The following GNAQ variants were observed in gnomAD, a reference collection of about 807,000 sequenced individuals.
The protein encoded by GNAQ is G protein subunit alpha q, also known as guanine nucleotide-binding protein G(q) subunit alpha.
GNAQ carries 8 observed loss-of-function variants against 43.9 expected under a neutral mutation model. That is an observed-to-expected ratio of 0.18 (90% confidence interval 0.11 to 0.33). The LOEUF (loss-of-function observed/expected upper bound fraction) is 0.33, where lower values mean the gene tolerates loss of function less well. GNAQ is among the 10% of genes least tolerant of loss of function. The pLI is 1.00. For missense variants in GNAQ, 158 were observed against 450.8 expected, an observed-to-expected ratio of 0.35 and a Z score of 5.88; for synonymous variants, 155 against 170.7, an observed-to-expected ratio of 0.91 and a Z score of 0.71.
intron 2 of GNAQ, among the ~76,000 whole-genome samples, chr9:77,837,444 C>T (rs1260614193): frequency 6.6e-6 from 1 of 152,060 alleles, no homozygotes; most frequent in Non-Finnish European, 1.5e-5. Context: ...ATCCCAGCTA[C>T]TCGGGTGGCT....
chr9:77,840,441 A>G (rs1216982779), intron 2 of GNAQ, among the ~76,000 whole-genome samples: 1 of 151,836 alleles, frequency 6.6e-6, no homozygotes, highest in South Asian at 2.1e-4. Flanking sequence ...GGTTCAAGCA[A>G]TTCTCCTGCC....
intron 1 of GNAQ, among the ~76,000 whole-genome samples, chr9:78,003,620 G>A (rs959474927): frequency 5.9e-5 from 9 of 152,076 alleles, no homozygotes; most frequent in African/African-American, 2.2e-4. Flanking sequence ...TTCAAGACCA[G>A]CCTGGGCAAC....
At position 77,886,660 on chromosome 9, in the gene GNAQ, T is replaced by G. The variant is rs140182053; in HGVS notation, c.321+35501A>C. On this transcript the variant is annotated intron_variant, in intron 2 of 6. Coordinates refer to ENST00000286548, the MANE Select transcript of GNAQ (RefSeq NM_002072.5). ...AAAGAGTAAATGATGTAAAATAAACTTTATTGTGAACTGAATATCATCTTT... is the reference window on the plus strand; with the variant it reads ...AAAGAGTAAATGATGTAAAATAAACGTTATTGTGAACTGAATATCATCTTT... Among the ~76,000 whole-genome samples the G allele has an allele frequency of 9.0e-3, 1,366 of 152,288 alleles. 20 individuals carry two copies. Among genetic ancestry groups the G allele is most frequent in the Admixed American group, 0.039 (589 of 15,290 alleles).
intron 2 of GNAQ, among the ~76,000 whole-genome samples, chr9:77,882,622 T>A (rs555976210): frequency 1.3e-5 from 2 of 152,090 alleles, no homozygotes; most frequent in Non-Finnish European, 2.9e-5. Flanking sequence ...CCAAATGACA[T>A]GGAATGGTAT....
chr9:77,867,711 A>G (rs983639702), intron 2 of GNAQ, among the ~76,000 whole-genome samples: 3 of 152,198 alleles, frequency 2.0e-5, no homozygotes, highest in East Asian at 1.9e-4. Flanking sequence ...ATGCAAGTAC[A>G]TATGTGCAGG....
Position 77,728,666 on chromosome 9 carries a change from T to C in GNAQ, c.737A>G (p.Asn246Ser). 6.6e-6 allele frequency: 10 copies of C among 1,513,130 alleles called. No homozygotes were observed. The highest frequency in any genetic ancestry group is 8.8e-6 in the Non-Finnish European group (10 of 1,132,660). The allele number at this position is 1,513,130 out of a possible 1,614,324, so 93.7% of individuals were successfully genotyped here. A position where few individuals can be genotyped will look rare whatever the true frequency, so the allele number is the denominator to read the frequency against. The change falls in exon 6 of 7, where the codon AAC becomes AGC. Residue 246 changes from asparagine to serine, a missense_variant and splice_region_variant. By Grantham distance (46) the Asn-to-Ser change is conservative (BLOSUM62 1). Coordinates refer to ENST00000286548, the MANE Select transcript of GNAQ (RefSeq NM_002072.5). ...DQVLVESDNENRMEESKALFR... is the reference protein window; with the variant it reads ...DQVLVESDNESRMEESKALFR... Reference sequence around the variant, plus strand: ...GAGAGCCTTGCTTTCCTCCATTCGGTTCTGGAAAAAAAAAAAAAATCAGAA... The same window carrying C: ...GAGAGCCTTGCTTTCCTCCATTCGGCTCTGGAAAAAAAAAAAAAATCAGAA...
chr9:77,784,866 G>A (rs1423522563), intron 5 of GNAQ, among the ~76,000 whole-genome samples: 1 of 152,108 alleles, frequency 6.6e-6, no homozygotes, highest in Non-Finnish European at 1.5e-5. Context: ...TTTAATTAGG[G>A]AAAAACAAAT....
At chr9:77,749,927 T>TG (rs1825786153) in intron 5 of GNAQ, among the ~76,000 whole-genome samples, 3 of 152,162 alleles carry the variant, frequency 2.0e-5, no homozygotes, top group Non-Finnish European at 2.9e-5. Context: ...TTTTCATACA[T>TG]TGTAATTGTT....
chr9:77,777,109 G>C (rs1826316571), intron 5 of GNAQ, among the ~76,000 whole-genome samples: 1 of 152,034 alleles, frequency 6.6e-6, no homozygotes, highest in Non-Finnish European at 1.5e-5. Flanking sequence ...TTTCAACATG[G>C]GGGCCAAGAC....
chr9:77,760,123 G>A (rs1041106693), intron 5 of GNAQ, among the ~76,000 whole-genome samples: 2 of 149,972 alleles, frequency 1.3e-5, no homozygotes, highest in African/African-American at 4.9e-5. Flanking sequence ...TTATTTTAAA[G>A]TTTACAATTC....
intron 2 of GNAQ, among the ~76,000 whole-genome samples, chr9:77,862,022 A>G (rs1416888616): frequency 1.3e-5 from 2 of 151,612 alleles, no homozygotes; most frequent in East Asian, 3.9e-4. Context: ...AAAAAAAAAA[A>G]AAAAAAAAAG....
chr9:77,765,522 C>A (rs537315264), intron 5 of GNAQ, among the ~76,000 whole-genome samples: 3 of 152,064 alleles, frequency 2.0e-5, no homozygotes, highest in South Asian at 2.1e-4. Context: ...AAAAGCCGTT[C>A]GACAAAACTA....
At chr9:78,005,788 A>G (rs1371911267) in intron 1 of GNAQ, among the ~76,000 whole-genome samples, 1 of 152,120 alleles carries the variant, frequency 6.6e-6, no homozygotes, top group Admixed American at 6.5e-5. Flanking sequence ...CATCCCCACG[A>G]CTACTCCCCA....
Position 77,892,024 on chromosome 9 carries a change from C to A in GNAQ, c.321+30137G>T, listed in dbSNP as rs545054958. Among the ~76,000 whole-genome samples the A allele has an allele frequency of 4.6e-5, 7 of 152,190 alleles. No homozygotes were observed. In the East Asian group the frequency reaches 1.4e-3, roughly 29 times the overall value. ...CCAAGATTCTGTAACCAGAAAGCAC[C>A]CCCCAGATTGTTTTTTTGTTTGTTT... On this transcript the variant is annotated intron_variant, in intron 2 of 6. Coordinates refer to ENST00000286548, the MANE Select transcript of GNAQ (RefSeq NM_002072.5).
At chr9:77,723,928 TAAA>T (rs1208253089) in intron 6 of GNAQ, among the ~76,000 whole-genome samples, 2 of 152,144 alleles carry the variant, frequency 1.3e-5, no homozygotes, top group African/African-American at 4.8e-5. Context: ...ATTTTATAAT[TAAA>T]AAAAGTACTA....
At chr9:77,722,767 T>C (rs1458986568) in intron 6 of GNAQ, among the ~76,000 whole-genome samples, 2 of 151,744 alleles carry the variant, frequency 1.3e-5, no homozygotes, top group African/African-American at 4.8e-5. Flanking sequence ...AGTGATCCTC[T>C]TGCCTCAGCC....
chr9:78,010,343 T>C (rs567131776), intron 1 of GNAQ, among the ~76,000 whole-genome samples: 25 of 152,268 alleles, frequency 1.6e-4, no homozygotes, highest in Admixed American at 1.5e-3. Flanking sequence ...GAATAGAATC[T>C]GAAGCTAGTT....
At chr9:77,997,278 C>A (rs540889020) in intron 1 of GNAQ, among the ~76,000 whole-genome samples, 1 of 152,182 alleles carries the variant, frequency 6.6e-6, no homozygotes, top group East Asian at 1.9e-4. Flanking sequence ...TGTACAGTCA[C>A]CCTTTTCTAT....
chr9:77,779,680 C>CAAAAAAAAAAAAAAAAAAAA (rs58014303), intron 5 of GNAQ, among the ~76,000 whole-genome samples: 7 of 95,938 alleles, frequency 7.3e-5, no homozygotes, highest in South Asian at 3.6e-4. Flanking sequence ...AAAAACAAAA[C>CAAAAAAAAAAAAAAAAAAAA]AAAAAAAAAA....
Sources: allele counts gnomAD v4.1 joint callset (sites outside exome capture counted in the v4.1 genomes callset), GRCh38; gene constraint gnomAD v4.1.1; transcripts MANE v1.5; gene names NCBI Gene and HGNC (gene_info 2026-07-23, HGNC 2026-07-21).